The following MYLIP variants were observed in gnomAD, a reference collection of about 807,000 sequenced individuals.
MYLIP encodes the protein myosin regulatory light chain interacting protein, also known as E3 ubiquitin-protein ligase MYLIP.
Under a neutral mutation model 45.8 loss-of-function variants are expected in MYLIP, and 26 were observed. The observed-to-expected ratio is 0.57, with a 90% CI of 0.42 to 0.79. MYLIP has a LOEUF of 0.79. Among genes scored for constraint, MYLIP ranks in the 30% least tolerant of loss-of-function variants. The pLI, the probability that MYLIP is intolerant of heterozygous loss-of-function variation, is 0.00. For missense variants in MYLIP, 494 were observed against 555.6 expected, an observed-to-expected ratio of 0.89 and a Z score of 1.11; for synonymous variants, 213 against 218.1, an observed-to-expected ratio of 0.98 and a Z score of 0.21.
intron 2 of MYLIP, among the ~76,000 whole-genome samples, chr6:16,133,933 T>A (rs1387000062): frequency 3.3e-5 from 5 of 152,142 alleles, no homozygotes; most frequent in African/African-American, 1.2e-4. Flanking sequence ...TTAAATTTCA[T>A]CCAGATTTCA....
chr6:16,129,465 C>T lies in MYLIP; in HGVS notation c.87+56C>T. 3 of 1,509,156 alleles carry T rather than the reference C, an allele frequency of 2.0e-6. 1 individual carries two copies. Among genetic ancestry groups the T allele is most frequent in the Admixed American group, 4.0e-5 (2 of 50,400 alleles). 93.5% of individuals were successfully genotyped at this position (1,509,156 alleles called of 1,614,324 possible). On this transcript the variant is annotated intron_variant, in intron 1 of 6. Coordinates refer to ENST00000356840, the MANE Select transcript of MYLIP (RefSeq NM_013262.4). The surrounding 1 kb of genome is among the most constrained non-coding windows in gnomAD (Gnocchi z 5.1). ...CGGGTCCCGCGAGGCCGAGGGGCCT[C>T]GCAGCGACGCCTGGCACTCTGGCGC...
At chr6:16,162,410 A>T in the MYLIP span, among the ~76,000 whole-genome samples, 1 of 152,318 alleles carries the variant, frequency 6.6e-6, no homozygotes, top group South Asian at 2.1e-4. Context: ...TAGGAGTAAG[A>T]AATGGCTTGA....
intron 2 of MYLIP, among the ~76,000 whole-genome samples, chr6:16,140,847 A>C (rs1443795300): frequency 6.6e-6 from 1 of 152,172 alleles, no homozygotes; most frequent in Non-Finnish European, 1.5e-5. Flanking sequence ...AGAAATGACA[A>C]GTTTATACTA....
intron 2 of MYLIP, among the ~76,000 whole-genome samples, chr6:16,139,298 G>T (rs1488255074): frequency 6.6e-6 from 1 of 151,446 alleles, no homozygotes; most frequent in Non-Finnish European, 1.5e-5. Flanking sequence ...CGAGGCAGGA[G>T]AATCGCTTGA....
At chr6:16,161,443 T>C in the MYLIP span, 1 of 159,590 alleles carries the variant, frequency 6.3e-6, no homozygotes, top group Non-Finnish European at 1.4e-5. Context: ...AAGTGGGGAA[T>C]GAGAGAGGAG....
chr6:16,155,697 C>T, the MYLIP span, among the ~76,000 whole-genome samples: 4 of 152,222 alleles, frequency 2.6e-5, no homozygotes, highest in Admixed American at 2.6e-4. Flanking sequence ...AGGGAATGCA[C>T]AGGTGAGTGG....
At position 16,143,776 on chromosome 6, in the gene MYLIP, A is replaced by C; in HGVS notation, c.740A>C (p.Asn247Thr). Residue 247 changes from asparagine (N) to threonine (T), a missense_variant, in exon 5 of 7, where the codon AAC becomes ACC. By Grantham distance (65) the Asn-to-Thr change is moderately conservative (BLOSUM62 0). Coordinates refer to ENST00000356840, the MANE Select transcript of MYLIP (RefSeq NM_013262.4). ...VYLTVTKESG[N>T]SIVLLFKMIS... ...TTGACGGTCACCAAGGAATCTGGGA[A>C]CAGCATCGTGCTCTTGTTTAAAATG... The C allele has an allele frequency of 6.2e-7, 1 of 1,614,036 alleles. No homozygotes were observed.
At chr6:16,133,605 C>G (rs1759497028) in intron 2 of MYLIP, among the ~76,000 whole-genome samples, 1 of 152,226 alleles carries the variant, frequency 6.6e-6, no homozygotes, top group East Asian at 1.9e-4. Flanking sequence ...TAATAATCAT[C>G]TTGGAAATTC....
At chr6:16,158,862 T>G in the MYLIP span, among the ~76,000 whole-genome samples, 1 of 152,092 alleles carries the variant, frequency 6.6e-6, no homozygotes, top group African/African-American at 2.4e-5. Flanking sequence ...AGAGCAAGAC[T>G]CCGTCTCAAA....
Position 16,129,611 on chromosome 6 carries a change from C to A in MYLIP, c.87+202C>A, listed in dbSNP as rs1013238664. On this transcript the variant is annotated intron_variant, in intron 1 of 6. Coordinates refer to ENST00000356840, the MANE Select transcript of MYLIP (RefSeq NM_013262.4). This position sits in a 1 kb window ranked among gnomAD's most constrained non-coding sequence, Gnocchi z 5.1. Reference sequence around the variant, plus strand: ...GCGCGTGGGGTGCGCGGAGAAAGCGCGCAGCGGGGGTCCCCAGCGCTGAGG... The same window carrying A: ...GCGCGTGGGGTGCGCGGAGAAAGCGAGCAGCGGGGGTCCCCAGCGCTGAGG... Among the ~76,000 whole-genome samples, 1 of 152,280 alleles carries A rather than the reference C, an allele frequency of 6.6e-6. No individual in the cohort carries two copies. Among genetic ancestry groups the A allele is most frequent in the Admixed American group, 6.5e-5 (1 of 15,296 alleles).
At chr6:16,144,105 T>G (rs182493550) in intron 5 of MYLIP, among the ~76,000 whole-genome samples, 1 of 152,142 alleles carries the variant, frequency 6.6e-6, no homozygotes, top group African/African-American at 2.4e-5. Context: ...CCTACCGTAT[T>G]CTCTTATGCC....
In MYLIP at chr6:16,129,432, G is replaced by C; in HGVS notation, c.87+23G>C. 4 of 1,563,338 alleles carry C rather than the reference G, an allele frequency of 2.6e-6. No homozygotes were observed. The highest frequency in any genetic ancestry group is 3.5e-6 in the Non-Finnish European group (4 of 1,154,850). On this transcript the variant is annotated intron_variant, in intron 1 of 6. Transcript: ENST00000356840. This position sits in a 1 kb window ranked among gnomAD's most constrained non-coding sequence, Gnocchi z 5.1. ...CAGGTGAGGGCGAGGGGCAAGAAGG[G>C]GCCCCGGCGGGTCCCGCGAGGCCGA...
At chr6:16,146,638 A>T in intron 6 of MYLIP, 24 bp from the exon 7 acceptor site, 1 of 1,591,548 alleles carries the variant, frequency 6.3e-7, no homozygotes, top group Non-Finnish European at 8.6e-7. Flanking sequence ...ATGCTAACAG[A>T]GACTGTTGGC....
At chr6:16,142,324 C>A (rs911743945) in intron 3 of MYLIP, among the ~76,000 whole-genome samples, 1 of 152,174 alleles carries the variant, frequency 6.6e-6, no homozygotes, top group African/African-American at 2.4e-5. Flanking sequence ...TTTTTTAAAT[C>A]TGTGCCTTTA....
the MYLIP span, among the ~76,000 whole-genome samples, chr6:16,155,739 C>A: frequency 6.6e-6 from 1 of 152,298 alleles, no homozygotes; most frequent in South Asian, 2.1e-4. Context: ...CTTTCAGGCA[C>A]CAGCAGGAGC....
chr6:16,149,937 C>T (rs1318719454), downstream of MYLIP, among the ~76,000 whole-genome samples: 3 of 152,192 alleles, frequency 2.0e-5, no homozygotes, highest in African/African-American at 7.2e-5. Flanking sequence ...GGTTTGGCCA[C>T]ACATTTGAGA....
the MYLIP span, among the ~76,000 whole-genome samples, chr6:16,155,003 C>T: frequency 1.3e-5 from 2 of 152,146 alleles, no homozygotes; most frequent in African/African-American, 4.8e-5. Context: ...CAACTGGAGG[C>T]CTTCACTCCT....
In MYLIP at chr6:16,129,430, G is replaced by C. The variant is rs1759407868; in HGVS notation, c.87+21G>C. The C allele has an allele frequency of 6.4e-7, 1 of 1,567,070 alleles. No individual in the cohort carries two copies. On this transcript the variant is annotated intron_variant, in intron 1 of 6. Coordinates refer to ENST00000356840, the MANE Select transcript of MYLIP (RefSeq NM_013262.4). The surrounding 1 kb of genome is among the most constrained non-coding windows in gnomAD (Gnocchi z 5.1). ...ACCAGGTGAGGGCGAGGGGCAAGAA[G>C]GGGCCCCGGCGGGTCCCGCGAGGCC... is the stretch of plus-strand genomic sequence containing the variant.
At position 16,146,713 on chromosome 6, in the gene MYLIP, C is replaced by T. The variant is rs747923546; in HGVS notation, c.1300C>T (p.Pro434Ser). Residue 434 changes from proline to serine, a missense_variant, in exon 7 of 7, where the codon CCA becomes TCA. Coordinates refer to ENST00000356840, the MANE Select transcript of MYLIP (RefSeq NM_013262.4). ...GGAGCATGTCCAGCACGTCTATCTG[C>T]CAACGCACACCAGTCTTCTCAATCT... Reference protein sequence around the residue: ...RVEHVQHVYLPTHTSLLNLTV... With the variant: ...RVEHVQHVYLSTHTSLLNLTV... 1 of 1,611,648 alleles carries T rather than the reference C, an allele frequency of 6.2e-7. No individual in the cohort carries two copies. Among genetic ancestry groups the T allele is most frequent in the Non-Finnish European group, 8.5e-7 (1 of 1,178,656 alleles).
Sources: allele counts gnomAD v4.1 joint callset (sites outside exome capture counted in the v4.1 genomes callset), GRCh38; gene constraint gnomAD v4.1.1; non-coding constraint Gnocchi (gnomAD v3.1); transcripts MANE v1.5; gene names NCBI Gene and HGNC (gene_info 2026-07-23, HGNC 2026-07-21).